TECPR2: variants seen among roughly 807,000 people sequenced by gnomAD.
TECPR2 encodes the protein tectonin beta-propeller repeat containing 2, also known as tectonin beta-propeller repeat-containing protein 2.
In TECPR2, 65 loss-of-function variants were observed where a neutral mutation model predicts 138.1. That is an observed-to-expected ratio of 0.47 (90% confidence interval 0.39 to 0.58). The LOEUF is 0.58. Ranked by LOEUF, TECPR2 falls within the 20% of genes least tolerant of loss-of-function variation. The probability of loss-of-function intolerance (pLI) is 0.00; values close to 1 mark genes in which losing one functional copy is unlikely to be tolerated. For missense variants in TECPR2, 1,553 were observed against 1,824.5 expected (o/e 0.85, Z 2.71); for synonymous variants, 746 against 749.8 (o/e 0.99, Z 0.08).
At chr14:102,465,686 A>C (rs1890538150) in intron 17 of TECPR2, 3 of 982,152 alleles carry the variant, frequency 3.1e-6, no homozygotes, top group Non-Finnish European at 3.6e-6. Flanking sequence ...GTCATGGAGA[A>C]AATGCTGAGT....
chr14:102,390,567 G>A (rs1366935326), intron 2 of TECPR2, among the ~76,000 whole-genome samples: 1 of 152,132 alleles, frequency 6.6e-6, no homozygotes, highest in Non-Finnish European at 1.5e-5. Context: ...TCTACACTGT[G>A]TTAGTTAGGA....
intron 3 of TECPR2, 57 bp from the exon 4 acceptor site, chr14:102,408,431 A>G (rs1164079840): frequency 1.9e-6 from 3 of 1,543,678 alleles, no homozygotes. Context: ...ATGTAGCCCC[A>G]GCTCACAGCA....
intron 4 of TECPR2, 21 bp downstream of exon 4, chr14:102,408,640 A>G (rs1229628602): frequency 6.3e-7 from 1 of 1,595,290 alleles, no homozygotes; most frequent in Non-Finnish European, 8.5e-7. Context: ...TTTCAGAAAT[A>G]CTGTTGGCTC....
chr14:102,431,546 G>A lies in TECPR2; in HGVS notation c.1085-250G>A, dbSNP rs141686740. Among the ~76,000 whole-genome samples, 4 of 152,158 alleles carry A rather than the reference G, an allele frequency of 2.6e-5. No homozygotes were observed. The South Asian group carries it at 6.2e-4, about 24-fold the overall frequency. On this transcript the variant is annotated intron_variant, in intron 7 of 19. Transcript: ENST00000359520. ...TTTAGTAGAGACGGGGTTTCACTGT[G>A]TTAGCCAGGATGGTCTTGATCTCCT...
At chr14:102,380,407 A>T (rs1414367719) in intron 2 of TECPR2, among the ~76,000 whole-genome samples, 1 of 152,264 alleles carries the variant, frequency 6.6e-6, no homozygotes, top group Non-Finnish European at 1.5e-5. Context: ...TAATTTATAA[A>T]GGAAAGAGGT....
At chr14:102,364,497 GGGAGAACTAA>G (rs547878103) in intron 1 of TECPR2, among the ~76,000 whole-genome samples, 324 of 152,292 alleles carry the variant, frequency 2.1e-3, no homozygotes, top group Non-Finnish European at 3.5e-3. Context: ...AACTTTAAAA[GGGAGAACTAA>G]GTGCAGGTGT....
intron 5 of TECPR2, among the ~76,000 whole-genome samples, chr14:102,422,980 G>A (rs934714299): frequency 6.6e-6 from 1 of 152,176 alleles, no homozygotes; most frequent in African/African-American, 2.4e-5. Flanking sequence ...CACACATTAC[G>A]TGTTCTGTTT....
intron 2 of TECPR2, among the ~76,000 whole-genome samples, chr14:102,380,814 G>T (rs1887786917): frequency 6.6e-6 from 1 of 152,164 alleles, no homozygotes. Context: ...AAGTAGCTGG[G>T]ACTACAGGTG....
intron 17 of TECPR2, chr14:102,465,665 C>CTT: frequency 2.0e-6 from 2 of 985,542 alleles, no homozygotes; most frequent in Non-Finnish European, 2.4e-6. Context: ...GTAAAAGTTA[C>CTT]TTTGAATCTT....
chr14:102,396,228 G>A (rs1159459686), intron 2 of TECPR2, among the ~76,000 whole-genome samples: 2 of 151,236 alleles, frequency 1.3e-5, no homozygotes, highest in Non-Finnish European at 2.9e-5. Flanking sequence ...TCAGCCTCCC[G>A]AACAGCTGGG....
chr14:102,402,077 A>G (rs1888507254), intron 2 of TECPR2, among the ~76,000 whole-genome samples: 1 of 152,170 alleles, frequency 6.6e-6, no homozygotes, highest in East Asian at 1.9e-4. Context: ...TTTATAGAAC[A>G]CTCTACCCAA....
At chr14:102,496,896 C>T in intron 17 of TECPR2, 83 bp from the exon 18 acceptor site, 1 of 1,563,904 alleles carries the variant, frequency 6.4e-7, no homozygotes, top group East Asian at 2.2e-5. Flanking sequence ...CTGCCACTAA[C>T]ATGTCCCCAG....
intron 2 of TECPR2, among the ~76,000 whole-genome samples, chr14:102,395,421 A>G (rs1237173565): frequency 6.6e-6 from 1 of 152,338 alleles, no homozygotes; most frequent in East Asian, 1.9e-4. Context: ...ATTTTTCTGA[A>G]TGAATACTTT....
intron 3 of TECPR2, among the ~76,000 whole-genome samples, 173 bp from the exon 4 acceptor site, chr14:102,408,315 T>A (rs1888719656): frequency 6.6e-6 from 1 of 152,174 alleles, no homozygotes; most frequent in African/African-American, 2.4e-5. Context: ...TCTCTGTGGG[T>A]TTTGAAGGTG....
intron 2 of TECPR2, among the ~76,000 whole-genome samples, chr14:102,383,824 C>G (rs1253954050): frequency 1.3e-5 from 2 of 152,120 alleles, no homozygotes; most frequent in South Asian, 2.1e-4. Context: ...CAAATTACAT[C>G]TGATGGCCAT....
chr14:102,456,308 C>A (rs561791027), intron 16 of TECPR2, among the ~76,000 whole-genome samples: 1 of 152,318 alleles, frequency 6.6e-6, no homozygotes, highest in East Asian at 1.9e-4. Flanking sequence ...TCGCTTAGTC[C>A]TTATCCTGCC....
At chr14:102,486,419 C>T (rs1481461848) in intron 17 of TECPR2, among the ~76,000 whole-genome samples, 1 of 152,222 alleles carries the variant, frequency 6.6e-6, no homozygotes, top group East Asian at 1.9e-4. Flanking sequence ...CTTACCTCAT[C>T]CTCCTGAGTA....
rs966322239 is a variant in TECPR2 at position 102,419,788 on chromosome 14, T to C, written c.638+4995T>C. On this transcript the variant is annotated intron_variant, in intron 5 of 19. Coordinates refer to ENST00000359520, the MANE Select transcript of TECPR2 (RefSeq NM_014844.5). The surrounding 1 kb of genome is among the most constrained non-coding windows in gnomAD (Gnocchi z 4.8). Reference sequence around the variant, plus strand: ...TATTTATGTTGCATTGTTTCATGTGTCAGAGCCCTCTGCAGACCTGTTACT... The same window carrying C: ...TATTTATGTTGCATTGTTTCATGTGCCAGAGCCCTCTGCAGACCTGTTACT... 6.6e-5 allele frequency among the ~76,000 whole-genome samples: 10 copies of C among 152,208 alleles called. No homozygotes were observed. Among genetic ancestry groups the C allele is most frequent in the African/African-American group, 2.4e-4 (10 of 41,444 alleles).
chr14:102,374,504 G>A (rs147404865), intron 1 of TECPR2, among the ~76,000 whole-genome samples: 17 of 152,274 alleles, frequency 1.1e-4, no homozygotes, highest in African/African-American at 4.1e-4. Context: ...GCTCATACCT[G>A]TAATCCCAGC....
Sources: allele counts gnomAD v4.1 joint callset (sites outside exome capture counted in the v4.1 genomes callset), GRCh38; gene constraint gnomAD v4.1.1; non-coding constraint Gnocchi (gnomAD v3.1); transcripts MANE v1.5; gene names NCBI Gene and HGNC (gene_info 2026-07-23, HGNC 2026-07-21).